Variants in LY75 observed in about 807,000 individuals in gnomAD.
LY75 encodes the protein C-type lectin domain family 13 member B.
LY75 carries 185 observed loss-of-function variants against 231.7 expected under a neutral mutation model. The observed-to-expected ratio is 0.80, with a 90% CI of 0.71 to 0.90. LY75 has a LOEUF of 0.90. Among genes scored for constraint, LY75 ranks in the 40% least tolerant of loss-of-function variants. The probability of loss-of-function intolerance (pLI) is 0.00; values close to 1 mark genes in which losing one functional copy is unlikely to be tolerated. For synonymous variants in LY75, 668 were observed against 689.0 expected (o/e 0.97, Z 0.48); for missense variants, 1,947 against 2,050.2 (o/e 0.95, Z 0.97).
chr2:159,838,956 C>T (rs1683921115), intron 25 of LY75, among the ~76,000 whole-genome samples: 1 of 152,060 alleles, frequency 6.6e-6, no homozygotes, highest in Non-Finnish European at 1.5e-5. Flanking sequence ...CCATGATACC[C>T]AGCTAATTTT....
chr2:159,812,669 C>T (rs915182516), intron 31 of LY75, among the ~76,000 whole-genome samples: 2 of 152,110 alleles, frequency 1.3e-5, no homozygotes, highest in Non-Finnish European at 2.9e-5. Context: ...TGTCTCAGCC[C>T]CCCAAAGTGC....
chr2:159,887,106 A>AAT (rs149952366), intron 4 of LY75, among the ~76,000 whole-genome samples: 3,291 of 147,118 alleles, frequency 0.022, 157 homozygotes, highest in East Asian at 0.2. Flanking sequence ...TAGACAATGG[A>AAT]ATATATATAT....
chr2:159,848,093 T>TATATATACACACACACACACACACAC, intron 23 of LY75, among the ~76,000 whole-genome samples: 43 of 28,496 alleles, frequency 1.5e-3, no homozygotes, highest in African/African-American at 3.9e-3. Context: ...TATATATATA[T>TATATATACACACACACACACACACAC]ACACACACAC....
chr2:159,855,066 C>T, intron 16 of LY75, 127 bp from the exon 17 acceptor site: 2 of 1,187,798 alleles, frequency 1.7e-6, no homozygotes, highest in Admixed American at 4.5e-5. Flanking sequence ...TCTGGCCAAC[C>T]CACTTCACGT....
chr2:159,904,745 T>TACA lies in LY75; in HGVS notation c.-64_-63insTGT. 3 of 1,348,604 alleles carry TACA rather than the reference T, an allele frequency of 2.2e-6. No homozygotes were observed. In the South Asian group the frequency reaches 5.2e-5, roughly 24 times the overall value. 83.5% of individuals were successfully genotyped at this position (1,348,604 alleles called of 1,614,324 possible). ...CGCACGCGGCTCCCGCCCCGCCTGC[T>TACA]GAGCGCGGCCTGCCCCGCCCGCACC... On this transcript the variant is annotated 5_prime_UTR_variant, in exon 1 of 35. Transcript: ENST00000263636.
chr2:159,856,595 G>A (rs145039595), intron 16 of LY75, among the ~76,000 whole-genome samples: 1,768 of 152,232 alleles, frequency 0.012, 19 homozygotes, highest in Admixed American at 0.027. Context: ...TCAAAAAAGG[G>A]TGAACATAAC....
At chr2:159,836,057 A>G (rs528742459) in intron 25 of LY75, among the ~76,000 whole-genome samples, 46 of 152,168 alleles carry the variant, frequency 3.0e-4, no homozygotes, top group Non-Finnish European at 6.3e-4. Flanking sequence ...GGTGAGGATC[A>G]CTATAAGTAC....
At chr2:159,859,800 T>A (rs1177519834) in intron 15 of LY75, among the ~76,000 whole-genome samples, 1 of 152,168 alleles carries the variant, frequency 6.6e-6, no homozygotes, top group Non-Finnish European at 1.5e-5. Flanking sequence ...CAAGATTGCT[T>A]ATGTGCTATG....
At chr2:159,869,373 T>C (rs1365471024) in intron 13 of LY75, among the ~76,000 whole-genome samples, 1 of 151,634 alleles carries the variant, frequency 6.6e-6, no homozygotes, top group Non-Finnish European at 1.5e-5. Flanking sequence ...ATCACCAAAG[T>C]CACACTGGAG....
intron 3 of LY75, among the ~76,000 whole-genome samples, chr2:159,892,198 A>C (rs986977755): frequency 1.3e-5 from 2 of 152,130 alleles, no homozygotes; most frequent in African/African-American, 2.4e-5. Context: ...GCACCCTGAA[A>C]TCTTAAGTCT....
chr2:159,811,037 TTTA>T (rs887787466), intron 31 of LY75, among the ~76,000 whole-genome samples: 4 of 152,070 alleles, frequency 2.6e-5, no homozygotes, highest in Non-Finnish European at 5.9e-5. Flanking sequence ...CCTTTTTTTG[TTTA>T]TTATTATTTT....
At chr2:159,884,634 T>C (rs1480186031) in intron 6 of LY75, among the ~76,000 whole-genome samples, 1 of 152,154 alleles carries the variant, frequency 6.6e-6, no homozygotes, top group East Asian at 1.9e-4. Context: ...TACTCCTGTG[T>C]CTATAGGTTT....
chr2:159,840,812 T>C lies in LY75; in HGVS notation c.3424A>G (p.Thr1142Ala). Reference sequence around the variant, plus strand: ...AGGAATGCCTGCTGGTAAGGGTCCGTGATGCTCACCAGCTGCATGTTACTT... The same window carrying C: ...AGGAATGCCTGCTGGTAAGGGTCCGCGATGCTCACCAGCTGCATGTTACTT... ...LKSNMQLVSI[T>A]DPYQQAFLSV... The change falls in exon 25 of 35, where the codon ACG becomes GCG. Residue 1142 changes from threonine to alanine, a missense_variant. By Grantham distance (58) the Thr-to-Ala change is moderately conservative. Transcript: ENST00000263636. 6.2e-7 allele frequency: 1 copy of C among 1,614,148 alleles called. No homozygotes were observed. The highest frequency in any genetic ancestry group is 1.1e-5 in the South Asian group (1 of 91,080).
In LY75 at chr2:159,882,293, G is replaced by C. The variant is rs1423764059; in HGVS notation, c.1077C>G (p.Thr359=). The change falls in exon 7 of 35, where the codon ACC becomes ACG. Residue 359 remains threonine (T), a synonymous_variant. Transcript: ENST00000263636. ...ELTDVWTYSD[T]RCDAGWLPNN... Reference sequence around the variant, plus strand: ...TTGGCAGCCAGCCTGCATCACAGCGGGTATCTGAGTATGTCCAGACATCTG... The same window carrying C: ...TTGGCAGCCAGCCTGCATCACAGCGCGTATCTGAGTATGTCCAGACATCTG... The C allele has an allele frequency of 6.2e-7, 1 of 1,613,788 alleles. No individual in the cohort carries two copies. Among genetic ancestry groups the C allele is most frequent in the East Asian group, 2.2e-5 (1 of 44,878 alleles).
At chr2:159,877,028 A>AAAAAAAAG (rs1553810533) in intron 11 of LY75, among the ~76,000 whole-genome samples, 38 of 117,106 alleles carry the variant, frequency 3.2e-4, no homozygotes, top group Non-Finnish European at 5.9e-4. Flanking sequence ...AAAAAAAAAA[A>AAAAAAAAG]AAAAAAGAAA....
intron 23 of LY75, among the ~76,000 whole-genome samples, chr2:159,844,444 C>T (rs1684137283): frequency 6.6e-6 from 1 of 151,674 alleles, no homozygotes; most frequent in Non-Finnish European, 1.5e-5. Flanking sequence ...AATGCTATAT[C>T]TTAAACCAAG....
At chr2:159,860,342 A>T (rs529742974) in intron 15 of LY75, among the ~76,000 whole-genome samples, 1 of 152,174 alleles carries the variant, frequency 6.6e-6, no homozygotes, top group Non-Finnish European at 1.5e-5. Context: ...ATTTCCTAAT[A>T]CTGTTATCAA....
Position 159,839,793 on chromosome 2 carries a change from G to T in LY75, c.3507+936C>A, listed in dbSNP as rs190588258. Among the ~76,000 whole-genome samples the T allele has an allele frequency of 4.6e-3, 707 of 152,106 alleles. 2 individuals are homozygous for T. The highest frequency in any genetic ancestry group is 0.016 in the African/African-American group (664 of 41,518). ...GCCTGGGGCGGGCGGATCACTTGAGGTAAAGAGTTCAAGACCAGCCTTGCC... is the reference window on the plus strand; with the variant it reads ...GCCTGGGGCGGGCGGATCACTTGAGTTAAAGAGTTCAAGACCAGCCTTGCC... On this transcript the variant is annotated intron_variant, in intron 25 of 34. Coordinates refer to ENST00000263636, the MANE Select transcript of LY75 (RefSeq NM_002349.4).
intron 33 of LY75, 108 bp from the exon 34 acceptor site, chr2:159,807,248 C>A: frequency 8.0e-7 from 1 of 1,244,192 alleles, no homozygotes; most frequent in Non-Finnish European, 1.1e-6. Context: ...ATGAGAGCCA[C>A]TTGTTAAAAT....
Sources: allele counts gnomAD v4.1 joint callset (sites outside exome capture counted in the v4.1 genomes callset), GRCh38; gene constraint gnomAD v4.1.1; transcripts MANE v1.5; gene names NCBI Gene and HGNC (gene_info 2026-07-23, HGNC 2026-07-21).